ESR1: variants seen among roughly 807,000 people sequenced by gnomAD.
The protein encoded by ESR1 is estrogen receptor.
Under a neutral mutation model 52.7 loss-of-function variants are expected in ESR1, and 12 were observed. That is an observed-to-expected ratio of 0.23 (90% CI 0.15 to 0.37). The LOEUF (loss-of-function observed/expected upper bound fraction) is 0.37, where lower values mean the gene tolerates loss of function less well. Ranked by LOEUF, ESR1 falls within the 10% of genes least tolerant of loss-of-function variation. ESR1 has a pLI of 1.00. For missense variants in ESR1, 584 were observed against 779.7 expected (o/e 0.75, Z 2.99); for synonymous variants, 305 against 316.8 (o/e 0.96, Z 0.39).
At chr6:152,079,066 A>G (rs1451405568) in intron 6 of ESR1, among the ~76,000 whole-genome samples, 1 of 152,236 alleles carries the variant, frequency 6.6e-6, no homozygotes, top group Non-Finnish European at 1.5e-5. Context: ...ATAGCAGAAC[A>G]AAAGGCAGCA....
chr6:151,852,656 T>TTC (rs397694071), intron 2 of ESR1, among the ~76,000 whole-genome samples: 1 of 151,082 alleles, frequency 6.6e-6, no homozygotes, highest in Non-Finnish European at 1.5e-5. Flanking sequence ...TTTTTTTTTT[T>TTC]GCAGATTATT....
At chr6:152,117,983 G>GT (rs2051229218) in intron 6 of ESR1, among the ~76,000 whole-genome samples, 1 of 152,112 alleles carries the variant, frequency 6.6e-6, no homozygotes. Context: ...AAAAACACCT[G>GT]TTTCCTGAAT....
At chr6:151,987,187 A>G (rs556565315) in intron 4 of ESR1, among the ~76,000 whole-genome samples, 3 of 151,950 alleles carry the variant, frequency 2.0e-5, no homozygotes, top group East Asian at 1.9e-4. Flanking sequence ...TGTCGTTGAG[A>G]TGCTCCATCT....
intron 4 of ESR1, among the ~76,000 whole-genome samples, chr6:151,992,583 G>A (rs9340944): frequency 0.13 from 19,882 of 152,060 alleles, 1,345 homozygotes; most frequent in South Asian, 0.19. Flanking sequence ...CATATTCTAG[G>A]GACACTCAAG....
chr6:151,965,037 A>C (rs2038123062), intron 4 of ESR1, among the ~76,000 whole-genome samples: 1 of 152,226 alleles, frequency 6.6e-6, no homozygotes, highest in Non-Finnish European at 1.5e-5. Context: ...TATGATGTTC[A>C]ACTCCTCTAA....
chr6:152,004,181 C>T (rs1239483721), intron 4 of ESR1, among the ~76,000 whole-genome samples: 1 of 151,982 alleles, frequency 6.6e-6, no homozygotes, highest in Non-Finnish European at 1.5e-5. Context: ...GGTACACACA[C>T]AGACACACAG....
At position 151,842,654 on chromosome 6, in the gene ESR1, C is replaced by A; in HGVS notation, c.510C>A (p.Asp170Glu). 2 of 1,613,840 alleles carry A rather than the reference C, an allele frequency of 1.2e-6. No homozygotes were observed. The highest frequency in any genetic ancestry group is 2.7e-5 in the African/African-American group (2 of 75,014). Reference sequence around the variant, plus strand: ...GAGAAAGATTGGCCAGTACCAATGACAAGGGAAGTATGGCTATGGAATCTG... The same window carrying A: ...GAGAAAGATTGGCCAGTACCAATGAAAAGGGAAGTATGGCTATGGAATCTG... ...GGRERLASTNDKGSMAMESAK... is the reference protein window; with the variant it reads ...GGRERLASTNEKGSMAMESAK... The change falls in exon 2 of 8, where the codon GAC becomes GAA. Residue 170 changes from aspartate to glutamate, a missense_variant. By Grantham distance (45) the Asp-to-Glu change is conservative. Around this residue, in one of 6 missense-constraint regions of ESR1, gnomAD observed 251 missense variants for 246.1 expected, o/e 1.02. Transcript: ENST00000206249.
At chr6:152,020,138 A>C (rs2043507963) in intron 5 of ESR1, among the ~76,000 whole-genome samples, 1 of 152,194 alleles carries the variant, frequency 6.6e-6, no homozygotes, top group Non-Finnish European at 1.5e-5. Context: ...TTCTGAGTGA[A>C]AACCAATCGC....
chr6:151,714,762 G>C (rs1562350369), intron 2 of ESR1, among the ~76,000 whole-genome samples: 1 of 152,064 alleles, frequency 6.6e-6, no homozygotes. Flanking sequence ...CCTGAATACA[G>C]CACACCAATG....
chr6:151,667,481 A>G (rs1777872203), intron 1 of ESR1, among the ~76,000 whole-genome samples: 1 of 152,174 alleles, frequency 6.6e-6, no homozygotes, highest in Admixed American at 6.5e-5. Flanking sequence ...TCTATTTGAT[A>G]CCTAAGACTC....
At chr6:151,799,974 T>C (rs2128140974), upstream of ESR1, among the ~76,000 whole-genome samples, 1 of 152,288 alleles carries the variant, frequency 6.6e-6, no homozygotes, top group South Asian at 2.1e-4. Context: ...AGGATAGTAA[T>C]TCAAGTTCTT....
intron 6 of ESR1, among the ~76,000 whole-genome samples, chr6:152,089,631 T>G (rs2050020207): frequency 1.3e-5 from 2 of 152,156 alleles, no homozygotes; most frequent in South Asian, 4.1e-4. Flanking sequence ...CAGGCTAGAG[T>G]GCAGTGGTGC....
chr6:152,098,790 G>A lies in ESR1; in HGVS notation c.1612G>A (p.Asp538Asn), dbSNP rs2152506552. ...GTGCAAGAACGTGGTGCCCCTCTATGACCTGCTGCTGGAGATGCTGGACGC... is the reference window on the plus strand; with the variant it reads ...GTGCAAGAACGTGGTGCCCCTCTATAACCTGCTGCTGGAGATGCTGGACGC... ...MKCKNVVPLY[D>N]LLLEMLDAHR... Residue 538 changes from aspartate (D) to asparagine (N), a missense_variant, in exon 8 of 8, where the codon GAC becomes AAC. Coordinates refer to ENST00000206249, the MANE Select transcript of ESR1 (RefSeq NM_000125.4). This position sits in a 1 kb window ranked among gnomAD's most constrained non-coding sequence, Gnocchi z 5.1. 3 of 1,614,170 alleles carry A rather than the reference G, an allele frequency of 1.9e-6. No individual in the cohort carries two copies. The highest frequency in any genetic ancestry group is 8.5e-7 in the Non-Finnish European group (1 of 1,180,024).
intron 2 of ESR1, among the ~76,000 whole-genome samples, chr6:151,758,403 G>T (rs535676385): frequency 6.6e-6 from 1 of 152,144 alleles, no homozygotes; most frequent in South Asian, 2.1e-4. Flanking sequence ...TTTAGGATCA[G>T]AAAAATATAG....
At chr6:151,854,901 C>T (rs769307482) in intron 2 of ESR1, among the ~76,000 whole-genome samples, 4 of 152,094 alleles carry the variant, frequency 2.6e-5, no homozygotes, top group Non-Finnish European at 4.4e-5. Flanking sequence ...TAAGGGATTT[C>T]GTTTTAAAAT....
chr6:151,676,252 C>G (rs1298848701), intron 1 of ESR1, among the ~76,000 whole-genome samples: 5 of 152,136 alleles, frequency 3.3e-5, no homozygotes, highest in Admixed American at 2.0e-4. Flanking sequence ...GAGCCAGGTC[C>G]ATACTTGGTT....
intron 4 of ESR1, among the ~76,000 whole-genome samples, chr6:151,985,540 C>CAA (rs556588370): frequency 2.5e-5 from 2 of 81,098 alleles, no homozygotes; most frequent in Admixed American, 1.3e-4. Context: ...AAAACACAAA[C>CAA]AAAAAAAAAA....
At chr6:151,861,312 T>G (rs930730669) in intron 2 of ESR1, among the ~76,000 whole-genome samples, 5 of 152,176 alleles carry the variant, frequency 3.3e-5, no homozygotes, top group African/African-American at 1.2e-4. Context: ...AATTGCTACC[T>G]GAAAATGGAG....
In ESR1 at chr6:152,069,709, C is replaced by T. The variant is rs1429059282; in HGVS notation, c.1369+8585C>T. ...CATGGGCAGTTCACAGTAGGGTTCACAGCCCTATGAGGTTCTAATGCCACT... is the reference window on the plus strand; with the variant it reads ...CATGGGCAGTTCACAGTAGGGTTCATAGCCCTATGAGGTTCTAATGCCACT... On this transcript the variant is annotated intron_variant, in intron 6 of 7. Coordinates refer to ENST00000206249, the MANE Select transcript of ESR1 (RefSeq NM_000125.4). Among the ~76,000 whole-genome samples, 2 of 136,656 alleles carry T rather than the reference C, an allele frequency of 1.5e-5. 1 individual carries two copies. The highest frequency in any genetic ancestry group is 6.6e-5 in the African/African-American group (2 of 30,506). The allele number at this position is 136,656 out of a possible 152,430, so 89.7% of individuals were successfully genotyped here. A position where few individuals can be genotyped will look rare whatever the true frequency, so the allele number is the denominator to read the frequency against.
Sources: allele counts gnomAD v4.1 joint callset (sites outside exome capture counted in the v4.1 genomes callset), GRCh38; gene constraint gnomAD v4.1.1; regional missense constraint gnomAD v4.1.1; non-coding constraint Gnocchi (gnomAD v3.1); transcripts MANE v1.5; gene names NCBI Gene and HGNC (gene_info 2026-07-23, HGNC 2026-07-21).